The following SVEP1 variants were observed in gnomAD, a reference collection of about 807,000 sequenced individuals.
SVEP1 encodes the protein sushi, von Willebrand factor type A, EGF and pentraxin domain-containing protein 1.
Under a neutral mutation model 367.3 loss-of-function variants are expected in SVEP1, and 164 were observed. The observed-to-expected ratio is 0.45, with a 90% CI of 0.39 to 0.51. The LOEUF (loss-of-function observed/expected upper bound fraction) is 0.51. Ranked by LOEUF, SVEP1 falls within the 20% of genes least tolerant of loss-of-function variation. SVEP1 has a pLI of 0.00. For synonymous variants in SVEP1, 1,666 were observed against 1,611.6 expected (o/e 1.03, Z -0.81); for missense variants, 4,117 against 4,425.3 (o/e 0.93, Z 1.98).
chr9:110,558,945 C>A (rs1262816784), intron 1 of SVEP1, among the ~76,000 whole-genome samples: 1 of 151,908 alleles, frequency 6.6e-6, no homozygotes, highest in African/African-American at 2.4e-5. Context: ...ACAATTATTA[C>A]CCCAATTAAA....
intron 36 of SVEP1, among the ~76,000 whole-genome samples, chr9:110,423,044 G>A (rs1305558098): frequency 2.9e-4 from 38 of 132,220 alleles, no homozygotes; most frequent in Non-Finnish European, 4.9e-4. Context: ...TGGGTGCAGC[G>A]CACCAGCATG....
At chr9:110,435,123 A>C in intron 29 of SVEP1, 118 bp downstream of exon 29, 1 of 1,167,804 alleles carries the variant, frequency 8.6e-7, no homozygotes, top group South Asian at 2.4e-5. Context: ...AGTTACAAAA[A>C]GTAGATTGAC....
At chr9:110,500,986 T>C (rs1193943326) in intron 6 of SVEP1, among the ~76,000 whole-genome samples, 1 of 151,314 alleles carries the variant, frequency 6.6e-6, no homozygotes, top group East Asian at 1.9e-4. Context: ...TGAGTTTGCA[T>C]TCAGTGTAGT....
intron 3 of SVEP1, among the ~76,000 whole-genome samples, chr9:110,520,753 T>C (rs940656680): frequency 2.6e-5 from 4 of 152,230 alleles, no homozygotes; most frequent in Admixed American, 6.5e-5. Context: ...TCCTCATACA[T>C]GTCTTAGATT....
At chr9:110,516,193 A>G (rs1829801782) in intron 3 of SVEP1, among the ~76,000 whole-genome samples, 1 of 142,040 alleles carries the variant, frequency 7.0e-6, no homozygotes, top group Admixed American at 7.2e-5. Context: ...TAAAACTAAA[A>G]TATAAAATAA....
At chr9:110,375,490 A>AAAAAAAAAGG in intron 45 of SVEP1, 27 bp from the exon 46 acceptor site, 1 of 1,338,838 alleles carries the variant, frequency 7.5e-7, no homozygotes. Flanking sequence ...AAAAAAAAAA[A>AAAAAAAAAGG]GGAGGCAGGG....
At position 110,390,215 on chromosome 9, in the gene SVEP1, T is replaced by TTGTATATATACTTATATAAGTATG. The variant is rs1391145565; in HGVS notation, c.9823-652_9823-629dup. Among the ~76,000 whole-genome samples, 603 of 63,064 alleles carry TTGTATATATACTTATATAAGTATG rather than the reference T, an allele frequency of 9.6e-3. 53 individuals carry two copies. The highest frequency in any genetic ancestry group is 0.039 in the African/African-American group (554 of 14,236). 41.4% of individuals were successfully genotyped at this position (63,064 alleles called of 152,430 possible). A position where few individuals can be genotyped will look rare whatever the true frequency, so the allele number is the denominator to read the frequency against. Reference sequence around the variant, plus strand: ...CTTATATAAGTATGTATGTATATACTTGTATATATACTTATATAAGTATGT... The same window carrying TTGTATATATACTTATATAAGTATG: ...CTTATATAAGTATGTATGTATATACTTGTATATATACTTATATAAGTATGTGTATATATACTTATATAAGTATGT... On this transcript the variant is annotated intron_variant, in intron 40 of 47. Coordinates refer to ENST00000374469, the MANE Select transcript of SVEP1 (RefSeq NM_153366.4).
intron 26 of SVEP1, among the ~76,000 whole-genome samples, chr9:110,444,407 C>T (rs983698460): frequency 6.6e-6 from 1 of 152,126 alleles, no homozygotes; most frequent in Non-Finnish European, 1.5e-5. Flanking sequence ...TTGAAGCCTC[C>T]AGAACTGTGA....
intron 3 of SVEP1, among the ~76,000 whole-genome samples, chr9:110,525,901 T>C (rs1223196349): frequency 6.6e-6 from 1 of 152,170 alleles, no homozygotes; most frequent in Non-Finnish European, 1.5e-5. Flanking sequence ...TACACCTGGC[T>C]GATTTTTAAC....
chr9:110,380,096 T>C (rs530271628), intron 43 of SVEP1, among the ~76,000 whole-genome samples: 19 of 152,342 alleles, frequency 1.2e-4, no homozygotes, highest in African/African-American at 4.1e-4. Flanking sequence ...CTCTTTTCAA[T>C]ACTGTAAAAG....
Position 110,436,429 on chromosome 9 carries a change from C to G in SVEP1, c.4715G>C (p.Gly1572Ala). 1 of 1,613,900 alleles carries G rather than the reference C, an allele frequency of 6.2e-7. No individual in the cohort carries two copies. The highest frequency in any genetic ancestry group is 8.5e-7 in the Non-Finnish European group (1 of 1,179,860). ...CCAGAGGTTGAGCTGGCTTATGGAG[C>G]CCACAAAAGACTCAGCTGGGCTGAA... ...EGFSPAESFVGSISQLNLWDY... is the reference protein window; with the variant it reads ...EGFSPAESFVASISQLNLWDY... Residue 1572 changes from glycine to alanine, a missense_variant, in exon 28 of 48, where the codon GGC becomes GCC. This residue lies in a region of SVEP1 where 2,174 missense variants were observed against 2,494.3 expected (regional missense o/e 0.87). Transcript: ENST00000374469.
chr9:110,544,589 G>A (rs928591655), intron 3 of SVEP1, among the ~76,000 whole-genome samples: 9 of 151,308 alleles, frequency 5.9e-5, no homozygotes, highest in Non-Finnish European at 1.0e-4. Flanking sequence ...ACCTAGAGAC[G>A]GAAAAATTAC....
At chr9:110,573,609 C>A (rs1002674871) in intron 1 of SVEP1, among the ~76,000 whole-genome samples, 1 of 151,634 alleles carries the variant, frequency 6.6e-6, no homozygotes, top group African/African-American at 2.4e-5. Flanking sequence ...GTTTGTTTAA[C>A]GGATATTTAG....
chr9:110,542,979 T>A (rs796269232), intron 3 of SVEP1, among the ~76,000 whole-genome samples: 55 of 146,124 alleles, frequency 3.8e-4, no homozygotes, highest in Middle Eastern at 3.7e-3. Context: ...AAAAAATATA[T>A]ATATATATAT....
In SVEP1 at chr9:110,407,323, C is replaced by A; in HGVS notation, c.8277G>T (p.Glu2759Asp). The A allele has an allele frequency of 6.2e-7, 1 of 1,614,006 alleles. No homozygotes were observed. Among genetic ancestry groups the A allele is most frequent in the Non-Finnish European group, 8.5e-7 (1 of 1,179,880 alleles). ...LAGSDLRLCL[E>D]NRKWSGASPR... is the part of the protein sequence containing the mutation. ...GGGAGGCACCACTCCACTTTCTATT[C>A]TCTAGACAAAGCCTTAAGTCAGAGC... Residue 2759 changes from glutamate (E) to aspartate (D), a missense_variant, in exon 38 of 48, where the codon GAG becomes GAT. Physicochemically the swap from Glu to Asp is conservative, Grantham distance 45. Around this residue, in one of 4 missense-constraint regions of SVEP1, gnomAD observed 1,765 missense variants for 1,781.1 expected, o/e 0.99. Transcript: ENST00000374469.
intron 3 of SVEP1, among the ~76,000 whole-genome samples, chr9:110,529,044 T>A (rs1259945813): frequency 6.6e-6 from 1 of 151,996 alleles, no homozygotes; most frequent in East Asian, 1.9e-4. Context: ...TTTGAGTTAA[T>A]TTTTTTATAC....
chr9:110,491,135 T>C (rs1159583106), intron 8 of SVEP1, among the ~76,000 whole-genome samples: 1 of 151,922 alleles, frequency 6.6e-6, no homozygotes, highest in East Asian at 1.9e-4. Context: ...AATCCATCTA[T>C]TATGAAATAG....
chr9:110,485,478 C>A (rs1288399202), intron 9 of SVEP1, among the ~76,000 whole-genome samples: 3 of 152,196 alleles, frequency 2.0e-5, no homozygotes, highest in Middle Eastern at 3.4e-3. Context: ...CTAATTCATG[C>A]AGGGCTCAAT....
At chr9:110,503,453 G>A (rs151137490) in intron 5 of SVEP1, among the ~76,000 whole-genome samples, 5 of 152,296 alleles carry the variant, frequency 3.3e-5, no homozygotes, top group African/African-American at 1.2e-4. Context: ...CCATAGGTGG[G>A]AAACTTAACC....
Sources: gnomAD v4.1 joint callset for allele counts (sites outside exome capture counted in the v4.1 genomes callset) on GRCh38, gnomAD v4.1.1 for gene constraint, gnomAD v4.1.1 regional missense constraint, MANE v1.5 for transcripts, NCBI Gene and HGNC (gene_info 2026-07-23, HGNC 2026-07-21) for gene names.